The following ELOVL5 variants were observed in gnomAD, a reference collection of about 807,000 sequenced individuals.
The protein encoded by ELOVL5 is ELOVL fatty acid elongase 5, also known as very long chain fatty acid elongase 5.
Under a neutral mutation model 38.6 loss-of-function variants are expected in ELOVL5, and 8 were observed. That is an observed-to-expected ratio of 0.21 (90% CI 0.12 to 0.37). The LOEUF (loss-of-function observed/expected upper bound fraction) is 0.37. Ranked by LOEUF, ELOVL5 falls within the 10% of genes least tolerant of loss-of-function variation. The pLI is 1.00. For synonymous variants in ELOVL5, 127 were observed against 133.7 expected, an observed-to-expected ratio of 0.95 and a Z score of 0.34; for missense variants, 280 against 367.8, an observed-to-expected ratio of 0.76 and a Z score of 1.95.
In ELOVL5 at chr6:53,291,874, G is replaced by C. The variant is rs1291979112; in HGVS notation, c.148C>G (p.Pro50Ala). ...VIYLLIVWLG[P>A]KYMRNKQPFS... Reference sequence around the variant, plus strand: ...GGCTGTTTATTCCTCATGTATTTTGGTCCCAGCCATACAATTAGTAAATAT... The same window carrying C: ...GGCTGTTTATTCCTCATGTATTTTGCTCCCAGCCATACAATTAGTAAATAT... Residue 50 changes from proline (P) to alanine (A), a missense_variant, in exon 3 of 8, where the codon CCA (proline) becomes GCA (alanine). Coordinates refer to ENST00000304434, the MANE Select transcript of ELOVL5 (RefSeq NM_021814.5). The C allele has an allele frequency of 1.9e-6, 3 of 1,613,316 alleles. No homozygotes were observed. The highest frequency in any genetic ancestry group is 1.6e-4 in the Middle Eastern group (1 of 6,082).
chr6:53,324,672 C>CAAAAAAAAAAAAAAAA, intron 1 of ELOVL5, among the ~76,000 whole-genome samples: 1 of 80,382 alleles, frequency 1.2e-5, no homozygotes. Context: ...GAGATCCTGT[C>CAAAAAAAAAAAAAAAA]AAAAAAAAAA....
At chr6:53,347,527 C>A (rs1438975754) in intron 1 of ELOVL5, among the ~76,000 whole-genome samples, 3 of 152,144 alleles carry the variant, frequency 2.0e-5, no homozygotes, top group African/African-American at 7.2e-5. Flanking sequence ...ATCTGCCAAG[C>A]GGTTAGGAGA....
At position 53,269,284 on chromosome 6, in the gene ELOVL5, G is replaced by C. The variant is rs753347377; in HGVS notation, c.757-14C>G. ...CTTGTTGTAGGTCTAAAATGTGTAA[G>C]GGCAGATGAGAACCAAATGACCACA... is the stretch of plus-strand genomic sequence containing the variant. On this transcript the variant is annotated splice_polypyrimidine_tract_variant and intron_variant, in intron 7 of 7. Coordinates refer to ENST00000304434, the MANE Select transcript of ELOVL5 (RefSeq NM_021814.5). 11 of 1,576,684 alleles carry C rather than the reference G, an allele frequency of 7.0e-6. No individual in the cohort carries two copies. The East Asian group carries it at 2.5e-4, about 36-fold the overall frequency.
At chr6:53,316,482 G>A (rs1768048640) in intron 1 of ELOVL5, among the ~76,000 whole-genome samples, 3 of 152,258 alleles carry the variant, frequency 2.0e-5, no homozygotes, top group South Asian at 4.1e-4. Context: ...AAACAATGTT[G>A]GAGAAGGAGG....
In ELOVL5 at chr6:53,275,255, G is replaced by A. The variant is rs760722233; in HGVS notation, c.331C>T (p.Arg111Cys). Reference protein sequence around the residue: ...TAGESDMKIIRVLWWYYFSKL... With the variant: ...TAGESDMKIICVLWWYYFSKL... ...GAGAAGTAGTACCACCAGAGGACAC[G>A]GATAATCTAAGAGGAAAGGGTCAAA... Residue 111 changes from arginine to cysteine, a missense_variant, in exon 5 of 8, where the codon CGT (arginine) becomes TGT (cysteine). Arg to Cys is a radical substitution (Grantham distance 180). This residue lies in a region of ELOVL5 where 150 missense variants were observed against 178.0 expected (regional missense o/e 0.84). Transcript: ENST00000304434. 6.8e-6 allele frequency: 11 copies of A among 1,613,880 alleles called. No homozygotes were observed. The highest frequency in any genetic ancestry group is 2.2e-5 in the South Asian group (2 of 91,076).
chr6:53,330,950 T>C (rs1768776134), intron 1 of ELOVL5, among the ~76,000 whole-genome samples: 1 of 152,234 alleles, frequency 6.6e-6, no homozygotes, highest in South Asian at 2.1e-4. Flanking sequence ...TAACATGTGA[T>C]AACAATGTTT....
intron 1 of ELOVL5, among the ~76,000 whole-genome samples, chr6:53,319,298 AAAAAAAAAAAAAAAAAAAG>A: frequency 2.9e-5 from 4 of 139,500 alleles, no homozygotes; most frequent in Non-Finnish European, 4.6e-5. Context: ...AAAAAAAAAA[AAAAAAAAAAAAAAAAAAAG>A]AAAGAAAGAA....
rs978007628 is a variant in ELOVL5 at position 53,345,393 on chromosome 6, G to C, written c.-9+3424C>G. Among the ~76,000 whole-genome samples, 3 of 152,166 alleles carry C rather than the reference G, an allele frequency of 2.0e-5. No individual in the cohort carries two copies. In the East Asian group the frequency reaches 5.8e-4, roughly 29 times the overall value. On this transcript the variant is annotated intron_variant, in intron 1 of 7. Transcript: ENST00000304434. ...TCAGGAATGCTAGGCCCTTAACATG[G>C]ATAGCTCTGCCATAAAGCTTTCTCA...
At chr6:53,270,853 C>T (rs895307706) in intron 6 of ELOVL5, 126 bp from the exon 7 acceptor site, 4 of 1,034,348 alleles carry the variant, frequency 3.9e-6, no homozygotes, top group Non-Finnish European at 5.6e-6. Context: ...GCTGCAGGTA[C>T]AGCAGTCACT....
Position 53,303,052 on chromosome 6 carries a change from G to T in ELOVL5, c.-8-7345C>A, listed in dbSNP as rs372154364. Reference sequence around the variant, plus strand: ...CAACTCGTTAACGTTAGGCAGGCATGGGAACATTCTTCAAGTTGGCTGCCA... The same window carrying T: ...CAACTCGTTAACGTTAGGCAGGCATTGGAACATTCTTCAAGTTGGCTGCCA... On this transcript the variant is annotated intron_variant, in intron 1 of 7. Transcript: ENST00000304434. 7.4e-4 allele frequency among the ~76,000 whole-genome samples: 112 copies of T among 152,248 alleles called. 1 individual carries two copies. The highest frequency in any genetic ancestry group is 2.6e-3 in the African/African-American group (109 of 41,542).
intron 1 of ELOVL5, among the ~76,000 whole-genome samples, chr6:53,341,352 C>T (rs930765280): frequency 1.3e-5 from 2 of 152,154 alleles, no homozygotes; most frequent in African/African-American, 2.4e-5. Context: ...TGTTTCCTCT[C>T]ATGTATCTAA....
At chr6:53,282,667 T>A (rs1049469195) in intron 3 of ELOVL5, among the ~76,000 whole-genome samples, 1 of 152,246 alleles carries the variant, frequency 6.6e-6, no homozygotes, top group Non-Finnish European at 1.5e-5. Context: ...GCATTTCTTG[T>A]AAGTACTAAT....
intron 3 of ELOVL5, among the ~76,000 whole-genome samples, chr6:53,289,676 C>T (rs1047302767): frequency 6.6e-6 from 1 of 152,166 alleles, no homozygotes; most frequent in Non-Finnish European, 1.5e-5. Context: ...GCCGAGATGG[C>T]GCCACTGCAC....
intron 2 of ELOVL5, among the ~76,000 whole-genome samples, chr6:53,292,660 G>GCA (rs1766817971): frequency 6.6e-6 from 1 of 152,154 alleles, no homozygotes; most frequent in Admixed American, 6.5e-5. Context: ...GCATGGTGCT[G>GCA]CACACCTGTA....
intron 1 of ELOVL5, among the ~76,000 whole-genome samples, chr6:53,318,193 C>CT (rs1377916881): frequency 1.3e-5 from 2 of 152,232 alleles, no homozygotes; most frequent in East Asian, 3.9e-4. Context: ...ATGATGTTTC[C>CT]TATAGAAAAT....
intron 1 of ELOVL5, among the ~76,000 whole-genome samples, chr6:53,342,581 T>C (rs1769374980): frequency 6.6e-6 from 1 of 152,240 alleles, no homozygotes; most frequent in Admixed American, 6.5e-5. Context: ...ATGGAACCTG[T>C]GCTCGCAAGA....
chr6:53,294,987 CTATT>C (rs1766934859), intron 2 of ELOVL5, among the ~76,000 whole-genome samples: 1 of 152,184 alleles, frequency 6.6e-6, no homozygotes, highest in Non-Finnish European at 1.5e-5. Context: ...GACATGAAAC[CTATT>C]ATTTCATCTC....
rs561340155 is a variant in ELOVL5 at position 53,273,167 on chromosome 6, AG to A, written c.621+52del. 2.0e-3 allele frequency: 3,179 copies of A among 1,597,292 alleles called. 12 individuals carry two copies. Among genetic ancestry groups the A allele is most frequent in the Middle Eastern group, 5.5e-3 (33 of 5,974 alleles). ...ATTACATAACACTAAAGCCAGGAAG[AG>A]GTCTGTATCCACCAGGAAGTAAGTC... is the stretch of plus-strand genomic sequence containing the variant. On this transcript the variant is annotated intron_variant, in intron 6 of 7. Coordinates refer to ENST00000304434, the MANE Select transcript of ELOVL5 (RefSeq NM_021814.5).
At chr6:53,301,905 C>CT (rs1767269132) in intron 1 of ELOVL5, among the ~76,000 whole-genome samples, 2 of 152,244 alleles carry the variant, frequency 1.3e-5, no homozygotes, top group South Asian at 4.2e-4. Flanking sequence ...TGACCATTCT[C>CT]TTTATAAACT....
Sources: gnomAD v4.1 joint callset for allele counts (sites outside exome capture counted in the v4.1 genomes callset) on GRCh38, gnomAD v4.1.1 for gene constraint, gnomAD v4.1.1 regional missense constraint, MANE v1.5 for transcripts, NCBI Gene and HGNC (gene_info 2026-07-23, HGNC 2026-07-21) for gene names.